The following PCDHGA6 variants were observed in gnomAD, a reference collection of about 807,000 sequenced individuals.
PCDHGA6 encodes the protein protocadherin gamma-A6.
In PCDHGA6, 41 loss-of-function variants were observed where a neutral mutation model predicts 60.6. The observed-to-expected ratio is 0.68, with a 90% CI of 0.53 to 0.88. PCDHGA6 has a LOEUF of 0.88. Among genes scored for constraint, PCDHGA6 ranks in the 40% least tolerant of loss-of-function variants. PCDHGA6 has a pLI of 0.00. For missense variants in PCDHGA6, 1,312 were observed against 1,203.0 expected, an observed-to-expected ratio of 1.09 and a Z score of -1.34; for synonymous variants, 594 against 524.4, an observed-to-expected ratio of 1.13 and a Z score of -1.81.
intron 1 of PCDHGA6, chr5:141,407,965 G>A (rs2095011875): frequency 4.4e-6 from 3 of 688,096 alleles, no homozygotes; most frequent in Non-Finnish European, 6.9e-6. Flanking sequence ...CAGAGCAAGC[G>A]CTGACGCCGG....
At position 141,376,381 on chromosome 5, in the gene PCDHGA6, T is replaced by C. The variant is rs1588802356; in HGVS notation, c.2298T>C (p.Ser766=). The C allele has an allele frequency of 8.1e-6, 13 of 1,613,972 alleles. No individual in the cohort carries two copies. The highest frequency in any genetic ancestry group is 1.7e-4 in the Middle Eastern group (1 of 6,060). The part of the protein sequence containing the change: ...EVSLTADSRK[S]HLIFPQPNYA... ...CACTCACTGCAGACTCGCGTAAGAGTCATCTGATTTTCCCCCAGCCCAACT... is the reference window on the plus strand; with the variant it reads ...CACTCACTGCAGACTCGCGTAAGAGCCATCTGATTTTCCCCCAGCCCAACT... The change falls in exon 1 of 4, where the codon AGT becomes AGC. Residue 766 remains serine (S), a synonymous_variant. Coordinates refer to ENST00000517434, the MANE Select transcript of PCDHGA6 (RefSeq NM_018919.3).
intron 1 of PCDHGA6, among the ~76,000 whole-genome samples, chr5:141,467,441 T>C (rs919148544): frequency 6.6e-6 from 1 of 152,340 alleles, no homozygotes; most frequent in African/African-American, 2.4e-5. Context: ...CATTCATTAC[T>C]TTTTTCTTCC....
At chr5:141,466,655 AT>A (rs754296083) in intron 1 of PCDHGA6, among the ~76,000 whole-genome samples, 3 of 152,206 alleles carry the variant, frequency 2.0e-5, no homozygotes, top group Non-Finnish European at 4.4e-5. Context: ...TTCACAAAAC[AT>A]CAGTGATTTC....
At chr5:141,403,209 C>T (rs1247618991) in intron 1 of PCDHGA6, 2 of 1,613,982 alleles carry the variant, frequency 1.2e-6, no homozygotes, top group Admixed American at 1.7e-5. Context: ...ACCTTGGTCA[C>T]CGCGGGTAGG....
rs778172652 is a variant in PCDHGA6, at chr5:141,418,978, C to G, written c.2424+42471C>G. 4 of 1,613,790 alleles carry G rather than the reference C, an allele frequency of 2.5e-6. No individual in the cohort carries two copies. In the South Asian group the frequency reaches 4.4e-5, roughly 18 times the overall value. ...TTGTTGCCCTCTTCAAAACACGGGACCAAGACTCAGGGGAAAATGGGGAAG... is the reference window on the plus strand; with the variant it reads ...TTGTTGCCCTCTTCAAAACACGGGAGCAAGACTCAGGGGAAAATGGGGAAG... On this transcript the variant is annotated intron_variant, in intron 1 of 3. Coordinates refer to ENST00000517434, the MANE Select transcript of PCDHGA6 (RefSeq NM_018919.3).
chr5:141,438,526 G>A (rs188552043), intron 1 of PCDHGA6, among the ~76,000 whole-genome samples: 11 of 143,330 alleles, frequency 7.7e-5, no homozygotes, highest in Non-Finnish European at 1.5e-4. Flanking sequence ...ATTTTACATG[G>A]ACTTTTCCTC....
intron 1 of PCDHGA6, chr5:141,389,008 G>C (rs1264850198): frequency 6.2e-7 from 1 of 1,613,992 alleles, no homozygotes; most frequent in Admixed American, 1.7e-5. Context: ...AAGGATTCCA[G>C]ACACAATGGA....
chr5:141,438,651 CAT>C (rs2098045358), intron 1 of PCDHGA6, among the ~76,000 whole-genome samples: 1 of 83,744 alleles, frequency 1.2e-5, no homozygotes, highest in East Asian at 3.2e-4. Context: ...CACACACACA[CAT>C]ATATGTATAT....
intron 1 of PCDHGA6, among the ~76,000 whole-genome samples, chr5:141,469,492 T>C (rs1233507221): frequency 6.6e-6 from 1 of 152,038 alleles, no homozygotes; most frequent in Non-Finnish European, 1.5e-5. Flanking sequence ...GGAGAATCGC[T>C]TGAACCCGGG....
chr5:141,499,565 C>CTTATCTTGT (rs2099792732), intron 2 of PCDHGA6, among the ~76,000 whole-genome samples: 2 of 152,168 alleles, frequency 1.3e-5, no homozygotes, highest in Non-Finnish European at 2.9e-5. Flanking sequence ...CACTATCCAG[C>CTTATCTTGT]TTCAACTAAT....
intron 1 of PCDHGA6, among the ~76,000 whole-genome samples, chr5:141,473,719 T>C (rs998018115): frequency 6.6e-6 from 1 of 152,124 alleles, no homozygotes; most frequent in African/African-American, 2.4e-5. Context: ...CAATGGAATA[T>C]AGTGAGAGAG....
intron 1 of PCDHGA6, chr5:141,415,748 T>A: frequency 9.9e-7 from 1 of 1,008,964 alleles, no homozygotes; most frequent in Non-Finnish European, 1.2e-6. Context: ...AGGTTTTTTT[T>A]TTTTTTTTTT....
chr5:141,383,360 T>A (rs1319923403), intron 1 of PCDHGA6: 1 of 1,613,888 alleles, frequency 6.2e-7, no homozygotes, highest in Non-Finnish European at 8.5e-7. Flanking sequence ...CGGTTTCCGT[T>A]AAGCGAGGCT....
intron 1 of PCDHGA6, chr5:141,403,328 A>G: frequency 1.8e-5 from 29 of 1,613,998 alleles, no homozygotes; most frequent in Non-Finnish European, 2.4e-5. Context: ...AGTAACTGAT[A>G]TTAACGACAG....
At chr5:141,383,494 G>A (rs1472112755) in intron 1 of PCDHGA6, 1 of 1,613,248 alleles carries the variant, frequency 6.2e-7, no homozygotes, top group Non-Finnish European at 8.5e-7. Context: ...GCTGGAGCGG[G>A]TGCTGGACCG....
In PCDHGA6 at chr5:141,419,577, C is replaced by A. The variant is rs1182305164; in HGVS notation, c.2424+43070C>A. ...CCTGCGCTGGGTCCCGACGGCTCCG[C>A]GCTCTTCGACACAGTGCCGCGGGCC... On this transcript the variant is annotated intron_variant, in intron 1 of 3. Coordinates refer to ENST00000517434, the MANE Select transcript of PCDHGA6 (RefSeq NM_018919.3). 3.1e-6 allele frequency: 5 copies of A among 1,611,732 alleles called. No individual in the cohort carries two copies. The South Asian group carries it at 5.5e-5, about 18-fold the overall frequency.
Position 141,400,574 on chromosome 5 carries a change from T to A in PCDHGA6, c.2424+24067T>A, listed in dbSNP as rs1589419530. On this transcript the variant is annotated intron_variant, in intron 1 of 3. Transcript: ENST00000517434. ...TTTTCATTACCCACCCAATTTTCTG[T>A]ATTTACATGAAACTATCGTACATTT... 3 of 1,612,232 alleles carry A rather than the reference T, an allele frequency of 1.9e-6. No individual in the cohort carries two copies. In the Middle Eastern group the frequency reaches 4.9e-4, roughly 266 times the overall value.
chr5:141,509,843 C>T (rs1596253565), intron 3 of PCDHGA6, among the ~76,000 whole-genome samples: 1 of 152,178 alleles, frequency 6.6e-6, no homozygotes, highest in African/African-American at 2.4e-5. Context: ...CTCCCATTCA[C>T]TCAGAACAGG....
Position 141,491,094 on chromosome 5 carries a change from G to C in PCDHGA6, c.2425-3713G>C, listed in dbSNP as rs1240705650. The C allele has an allele frequency of 1.9e-6, 3 of 1,614,202 alleles. No homozygotes were observed. Among genetic ancestry groups the C allele is most frequent in the Non-Finnish European group, 2.5e-6 (3 of 1,180,030 alleles). On this transcript the variant is annotated intron_variant, in intron 1 of 3. Coordinates refer to ENST00000517434, the MANE Select transcript of PCDHGA6 (RefSeq NM_018919.3). The surrounding 1 kb of genome is among the most constrained non-coding windows in gnomAD (Gnocchi z 6.9). The stretch of plus-strand genomic sequence containing the variant: ...TGCCACAGTCCACAGCCCCAGGACT[G>C]TTCCTCGTGTCTACACACACTGGTG...
Sources: allele counts gnomAD v4.1 joint callset (sites outside exome capture counted in the v4.1 genomes callset), GRCh38; gene constraint gnomAD v4.1.1; non-coding constraint Gnocchi (gnomAD v3.1); transcripts MANE v1.5; gene names NCBI Gene and HGNC (gene_info 2026-07-23, HGNC 2026-07-21).